The following LYPLAL1 variants were observed in gnomAD, a reference collection of about 807,000 sequenced individuals.
LYPLAL1 encodes the protein lysophospholipase like 1, also known as lysophospholipase-like protein 1.
A neutral mutation model predicts 19.7 loss-of-function variants in LYPLAL1; 23 were observed. That is an observed-to-expected ratio of 1.17 (90% CI 0.84 to 1.65). The LOEUF (loss-of-function observed/expected upper bound fraction) is 1.65, where lower values mean the gene tolerates loss of function less well. LYPLAL1 is among the 40% of genes most tolerant of loss of function. The probability of loss-of-function intolerance (pLI) is 0.00; values close to 1 mark genes in which losing one functional copy is unlikely to be tolerated. For missense variants in LYPLAL1, 355 were observed against 279.4 expected (o/e 1.27, Z -1.93); for synonymous variants, 119 against 96.3 (o/e 1.24, Z -1.38).
chr1:219,369,398 A>G, the LYPLAL1 span, among the ~76,000 whole-genome samples: 1 of 152,168 alleles, frequency 6.6e-6, no homozygotes, highest in Non-Finnish European at 1.5e-5. Context: ...CAGCCTCCCA[A>G]GTAGCTGGGA....
chr1:219,281,321 A>T, the LYPLAL1 span, among the ~76,000 whole-genome samples: 1 of 152,216 alleles, frequency 6.6e-6, no homozygotes, highest in South Asian at 2.1e-4. Context: ...AAAGGTAATA[A>T]TTAATCTATA....
chr1:219,434,102 T>C, the LYPLAL1 span, among the ~76,000 whole-genome samples: 8 of 152,264 alleles, frequency 5.3e-5, no homozygotes, highest in African/African-American at 1.9e-4. Context: ...AGTGGCTTTT[T>C]GTTCTTACAT....
At chr1:219,367,441 T>G in the LYPLAL1 span, among the ~76,000 whole-genome samples, 9 of 152,144 alleles carry the variant, frequency 5.9e-5, 1 homozygote, top group Non-Finnish European at 1.3e-4. Context: ...TTATATTTTA[T>G]TTTCACATTT....
At chr1:219,217,889 G>A in the LYPLAL1 span, among the ~76,000 whole-genome samples, 2 of 151,948 alleles carry the variant, frequency 1.3e-5, no homozygotes, top group African/African-American at 4.8e-5. Flanking sequence ...GCATAAATCA[G>A]TATCACAATA....
the LYPLAL1 span, among the ~76,000 whole-genome samples, chr1:219,345,675 C>T: frequency 1.3e-5 from 2 of 152,114 alleles, no homozygotes; most frequent in African/African-American, 4.8e-5. Flanking sequence ...GGAGAGCAAT[C>T]CCATCCATTT....
At chr1:219,339,969 T>A in the LYPLAL1 span, among the ~76,000 whole-genome samples, 1 of 152,096 alleles carries the variant, frequency 6.6e-6, no homozygotes, top group Non-Finnish European at 1.5e-5. Flanking sequence ...TTTCTCCCTT[T>A]CCAATGCAGG....
chr1:219,437,505 C>T, the LYPLAL1 span, among the ~76,000 whole-genome samples: 1 of 152,098 alleles, frequency 6.6e-6, no homozygotes, highest in Non-Finnish European at 1.5e-5. Context: ...GACTCTGATC[C>T]TTCCCCTCCC....
the LYPLAL1 span, among the ~76,000 whole-genome samples, chr1:219,311,230 G>A: frequency 6.6e-6 from 1 of 151,846 alleles, no homozygotes; most frequent in African/African-American, 2.4e-5. Flanking sequence ...AAAATAGGAA[G>A]TGAGAAATGC....
At chr1:219,324,706 A>AGT in the LYPLAL1 span, among the ~76,000 whole-genome samples, 12 of 152,154 alleles carry the variant, frequency 7.9e-5, 1 homozygote, top group South Asian at 2.3e-3. Context: ...GAAGCCAAAT[A>AGT]GTGTGTGTGT....
the LYPLAL1 span, among the ~76,000 whole-genome samples, chr1:219,436,374 TTAA>T: frequency 1.3e-5 from 2 of 152,332 alleles, no homozygotes; most frequent in South Asian, 2.1e-4. Flanking sequence ...AATAAATATA[TTAA>T]TATGATGTCA....
chr1:219,328,724 G>A, the LYPLAL1 span, among the ~76,000 whole-genome samples: 1 of 152,076 alleles, frequency 6.6e-6, no homozygotes, highest in Non-Finnish European at 1.5e-5. Flanking sequence ...CAATAAGCCA[G>A]AAACCTCAAC....
chr1:219,224,165 A>C, the LYPLAL1 span, among the ~76,000 whole-genome samples: 3 of 152,332 alleles, frequency 2.0e-5, no homozygotes, highest in African/African-American at 7.2e-5. Context: ...ATTAGGTATT[A>C]AGCCAGCTTC....
At chr1:219,405,895 A>G in the LYPLAL1 span, among the ~76,000 whole-genome samples, 4 of 152,208 alleles carry the variant, frequency 2.6e-5, no homozygotes, top group Admixed American at 2.0e-4. Context: ...GGAAGCACTC[A>G]GCAAGGCCAC....
chr1:219,292,135 G>A, the LYPLAL1 span, among the ~76,000 whole-genome samples: 11 of 152,188 alleles, frequency 7.2e-5, no homozygotes, highest in South Asian at 4.2e-4. Context: ...TGTCTCTCCC[G>A]ACACCACCTT....
chr1:219,257,440 T>C, the LYPLAL1 span, among the ~76,000 whole-genome samples: 1 of 151,726 alleles, frequency 6.6e-6, no homozygotes, highest in Non-Finnish European at 1.5e-5. Context: ...CTTTCTATTT[T>C]CCCTAAGTGT....
At chr1:219,332,914 C>T in the LYPLAL1 span, among the ~76,000 whole-genome samples, 1 of 148,706 alleles carries the variant, frequency 6.7e-6, no homozygotes, top group Non-Finnish European at 1.5e-5. Context: ...AAGCTGTTGG[C>T]AGAATTCAGT....
At chr1:219,381,714 T>G in the LYPLAL1 span, among the ~76,000 whole-genome samples, 1 of 152,198 alleles carries the variant, frequency 6.6e-6, no homozygotes, top group Non-Finnish European at 1.5e-5. Flanking sequence ...GATTTATATC[T>G]GAAATTAATA....
the LYPLAL1 span, among the ~76,000 whole-genome samples, chr1:219,254,211 A>G: frequency 3.3e-5 from 5 of 152,086 alleles, no homozygotes; most frequent in East Asian, 5.8e-4. Context: ...TGGCATACCA[A>G]TGGGTCTTGC....
chr1:219,337,070 T>G, the LYPLAL1 span, among the ~76,000 whole-genome samples: 14 of 152,002 alleles, frequency 9.2e-5, no homozygotes, highest in Non-Finnish European at 1.6e-4. Flanking sequence ...CATCATTCTC[T>G]GCTTTTATCT....
Sources: allele counts gnomAD v4.1 joint callset (sites outside exome capture counted in the v4.1 genomes callset), GRCh38; gene constraint gnomAD v4.1.1; transcripts MANE v1.5; gene names NCBI Gene and HGNC (gene_info 2026-07-23, HGNC 2026-07-21).